VPS37A: variants seen among roughly 807,000 people sequenced by gnomAD.
The protein encoded by VPS37A is VPS37A subunit of ESCRT-I, also known as vacuolar protein sorting-associated protein 37A.
In VPS37A, 30 loss-of-function variants were observed where a neutral mutation model predicts 49.8. That is an observed-to-expected ratio of 0.60 (90% CI 0.45 to 0.82). VPS37A has a LOEUF of 0.82. Ranked by LOEUF, VPS37A falls within the 40% of genes least tolerant of loss-of-function variation. The probability of loss-of-function intolerance (pLI) is 0.00; values close to 1 mark genes in which losing one functional copy is unlikely to be tolerated. For missense variants in VPS37A, 593 were observed against 464.4 expected, an observed-to-expected ratio of 1.28 and a Z score of -2.55; for synonymous variants, 195 against 160.6, an observed-to-expected ratio of 1.21 and a Z score of -1.62.
intron 10 of VPS37A, 109 bp downstream of exon 10, chr8:17,284,725 CT>C: frequency 1.2e-5 from 15 of 1,300,826 alleles, no homozygotes; most frequent in Admixed American, 5.7e-5. Context: ...TATCATCCCC[CT>C]TTTTTTGTAC....
At chr8:17,287,950 G>C (rs907270411) in intron 11 of VPS37A, among the ~76,000 whole-genome samples, 5 of 152,136 alleles carry the variant, frequency 3.3e-5, no homozygotes, top group African/African-American at 9.7e-5. Context: ...ACAGGGACTA[G>C]GGTACAGGAA....
the VPS37A span, chr8:17,331,294 A>G: frequency 2.5e-6 from 4 of 1,580,094 alleles, no homozygotes; most frequent in Non-Finnish European, 3.4e-6. Context: ...TGCAGTGGTC[A>G]GCAAAACAGA....
At chr8:17,294,859 G>A (rs1816501511) in intron 11 of VPS37A, 128 bp from the exon 12 acceptor site, 2 of 152,256 alleles carry the variant, frequency 1.3e-5, no homozygotes, top group Non-Finnish European at 2.9e-5. Context: ...GCTGCAGACT[G>A]GAGCTGTTCC....
chr8:17,286,615 T>G (rs1413903271), intron 11 of VPS37A, 188 bp downstream of exon 11: 1 of 495,376 alleles, frequency 2.0e-6, no homozygotes, highest in African/African-American at 2.0e-5. Flanking sequence ...GTAGAAATCT[T>G]TTGGATATTT....
intron 1 of VPS37A, among the ~76,000 whole-genome samples, chr8:17,264,629 T>TA (rs1813278694): frequency 6.6e-6 from 1 of 152,196 alleles, no homozygotes; most frequent in African/African-American, 2.4e-5. Flanking sequence ...TCTGGGTTTT[T>TA]ATCAAAGGAC....
chr8:17,329,837 T>A, the VPS37A span, among the ~76,000 whole-genome samples: 2,071 of 152,228 alleles, frequency 0.014, 27 homozygotes, highest in Non-Finnish European at 0.022. Context: ...CAGGGTATGA[T>A]CACTGTGACC....
chr8:17,288,906 G>A (rs956015807), intron 11 of VPS37A, among the ~76,000 whole-genome samples: 7 of 152,108 alleles, frequency 4.6e-5, no homozygotes, highest in Non-Finnish European at 1.0e-4. Context: ...TTTAATAATT[G>A]CCATTCTAAC....
At chr8:17,301,859 A>C (rs1455732618), downstream of VPS37A, 3 of 410,156 alleles carry the variant, frequency 7.3e-6, no homozygotes, top group Non-Finnish European at 1.3e-5. Context: ...ACTTTCCAGA[A>C]AAAAATTAAT....
chr8:17,299,820 G>T (rs1197369107), downstream of VPS37A: 2 of 1,600,332 alleles, frequency 1.2e-6, no homozygotes, highest in Admixed American at 1.7e-5. Flanking sequence ...TTTTGGAAGT[G>T]TTGCTTATGT....
chr8:17,295,573 ATT>A lies in VPS37A; in HGVS notation c.*588_*589del, dbSNP rs745636837. 1 of 152,502 alleles carries A rather than the reference ATT, an allele frequency of 6.6e-6. No individual in the cohort carries two copies. Among genetic ancestry groups the A allele is most frequent in the Non-Finnish European group, 1.5e-5 (1 of 67,986 alleles). The allele number at this position is 152,502 out of a possible 1,614,324, so 9.4% of individuals were successfully genotyped here. A position where few individuals can be genotyped will look rare whatever the true frequency, so the allele number is the denominator to read the frequency against. On this transcript the variant is annotated 3_prime_UTR_variant, in exon 12 of 12. Coordinates refer to ENST00000324849, the MANE Select transcript of VPS37A (RefSeq NM_152415.3). ...AAGAATAAACCAGCTGTTCTTATAT[ATT>A]GTTTCATTTTTAAAACTAAAGATGC...
At chr8:17,306,049 G>T, downstream of VPS37A, 2 of 954,372 alleles carry the variant, frequency 2.1e-6, no homozygotes, top group Non-Finnish European at 3.1e-6. Context: ...AGCAACCCTA[G>T]TTCCTAAATA....
intron 1 of VPS37A, chr8:17,248,427 A>G: frequency 2.2e-6 from 1 of 453,200 alleles, no homozygotes; most frequent in Non-Finnish European, 4.4e-6. Flanking sequence ...GGTGCGCGCC[A>G]CCATGCGCGG....
At chr8:17,324,139 C>T in the VPS37A span, among the ~76,000 whole-genome samples, 2 of 152,214 alleles carry the variant, frequency 1.3e-5, no homozygotes, top group African/African-American at 4.8e-5. Context: ...CAAGCAAGAT[C>T]TTTCCTTCCT....
At chr8:17,331,715 T>A in the VPS37A span, among the ~76,000 whole-genome samples, 1 of 152,164 alleles carries the variant, frequency 6.6e-6, no homozygotes, top group African/African-American at 2.4e-5. Flanking sequence ...TAGTATTAGA[T>A]TGCCAATAAA....
the VPS37A span, chr8:17,311,806 C>G: frequency 6.0e-6 from 6 of 998,166 alleles, no homozygotes; most frequent in Non-Finnish European, 5.9e-6. Context: ...CCAGAGTGGC[C>G]TGGTGCTGGC....
chr8:17,248,658 G>A (rs916805690), intron 1 of VPS37A, among the ~76,000 whole-genome samples: 4 of 152,098 alleles, frequency 2.6e-5, no homozygotes, highest in African/African-American at 9.7e-5. Context: ...TATTTAAAAT[G>A]GAATAATTTT....
chr8:17,255,752 T>C (rs928066527), intron 1 of VPS37A, among the ~76,000 whole-genome samples: 2 of 152,222 alleles, frequency 1.3e-5, no homozygotes, highest in Admixed American at 1.3e-4. Flanking sequence ...ACTTTCTTTC[T>C]TTGTGGATCT....
chr8:17,309,384 C>T, the VPS37A span: 135 of 1,165,398 alleles, frequency 1.2e-4, no homozygotes, highest in East Asian at 3.1e-3. Flanking sequence ...TAAGAGACCA[C>T]ACAACCAATA....
Position 17,295,000 on chromosome 8 carries a change from C to G in VPS37A, c.*14C>G, listed in dbSNP as rs759629098. ...TTTTCTTTCTAGATTTTCCTGGAAA[C>G]ATGAACTGCCAAGAGAGGAATGGGA... On this transcript the variant is annotated 3_prime_UTR_variant, in exon 12 of 12. Transcript: ENST00000324849. 5 of 152,604 alleles carry G rather than the reference C, an allele frequency of 3.3e-5. No homozygotes were observed. Among genetic ancestry groups the G allele is most frequent in the Non-Finnish European group, 7.3e-5 (5 of 68,044 alleles). 9.5% of individuals were successfully genotyped at this position (152,604 alleles called of 1,614,324 possible). A position where few individuals can be genotyped will look rare whatever the true frequency, so the allele number is the denominator to read the frequency against.
Sources: gnomAD v4.1 joint callset for allele counts (sites outside exome capture counted in the v4.1 genomes callset) on GRCh38, gnomAD v4.1.1 for gene constraint, MANE v1.5 for transcripts, NCBI Gene and HGNC (gene_info 2026-07-23, HGNC 2026-07-21) for gene names.